The following APBA2 variants were observed in gnomAD, a reference collection of about 807,000 sequenced individuals.
The protein encoded by APBA2 is amyloid-beta A4 precursor protein-binding family A member 2.
Under a neutral mutation model 75.0 loss-of-function variants are expected in APBA2, and 30 were observed. The observed-to-expected ratio is 0.40, with a 90% confidence interval of 0.30 to 0.54. APBA2 has a LOEUF of 0.54. Ranked by LOEUF, APBA2 falls within the 20% of genes least tolerant of loss-of-function variation. The pLI, the probability that APBA2 is intolerant of heterozygous loss-of-function variation, is 0.49. For missense variants in APBA2, 801 were observed against 1,016.1 expected, an observed-to-expected ratio of 0.79 and a Z score of 2.88; for synonymous variants, 444 against 409.6, an observed-to-expected ratio of 1.08 and a Z score of -1.01.
At chr15:29,102,533 A>G (rs1184987958) in intron 10 of APBA2, 1 of 152,856 alleles carries the variant, frequency 6.5e-6, no homozygotes, top group Non-Finnish European at 1.5e-5. Context: ...AGGTGCGTGG[A>G]TCACCTGAGG....
At chr15:28,957,197 C>T (rs527569987) in intron 2 of APBA2, among the ~76,000 whole-genome samples, 8 of 152,174 alleles carry the variant, frequency 5.3e-5, no homozygotes, top group South Asian at 2.1e-4. Flanking sequence ...CTCAGCCTCC[C>T]GAGTAGCTGG....
intron 3 of APBA2, among the ~76,000 whole-genome samples, chr15:29,034,274 G>A (rs186646368): frequency 6.6e-5 from 10 of 152,256 alleles, no homozygotes; most frequent in African/African-American, 2.2e-4. Flanking sequence ...CGTGTCTCCT[G>A]TCTCAAAGCC....
chr15:29,068,574 C>T lies in APBA2; in HGVS notation c.952-6347C>T, dbSNP rs181892171. On this transcript the variant is annotated intron_variant, in intron 4 of 14. Coordinates refer to ENST00000683413, the MANE Select transcript of APBA2 (RefSeq NM_001353788.2). The stretch of plus-strand genomic sequence containing the variant: ...GAAGGATGGGCGGAGCTCCCACCTT[C>T]CCCACAAATGGACACAGAATGGCAC... Among the ~76,000 whole-genome samples, 759 of 152,330 alleles carry T rather than the reference C, an allele frequency of 5.0e-3. 4 individuals carry two copies. The highest frequency in any genetic ancestry group is 0.017 in the African/African-American group (719 of 41,576).
chr15:29,115,187 C>G (rs2045016868), intron 14 of APBA2, among the ~76,000 whole-genome samples: 1 of 128,390 alleles, frequency 7.8e-6, no homozygotes, highest in South Asian at 2.7e-4. Context: ...GCCGGGCCGT[C>G]TGTGGTGCTC....
chr15:29,024,922 G>A (rs892400577), intron 3 of APBA2, among the ~76,000 whole-genome samples: 3 of 152,152 alleles, frequency 2.0e-5, no homozygotes, highest in Admixed American at 6.5e-5. Flanking sequence ...CTTGCAGGTG[G>A]ACGGTTCCCA....
At chr15:29,019,601 C>G (rs2039848833) in intron 3 of APBA2, among the ~76,000 whole-genome samples, 1 of 152,158 alleles carries the variant, frequency 6.6e-6, no homozygotes, top group Non-Finnish European at 1.5e-5. Flanking sequence ...GTGCATTGTT[C>G]TGCTGCCGGA....
chr15:29,056,598 C>CT (rs534817800), intron 4 of APBA2, among the ~76,000 whole-genome samples: 1 of 1,396 alleles, frequency 7.2e-4, no homozygotes, highest in African/African-American at 1.3e-3. Context: ...CCCTCCCTCC[C>CT]TCCCTCCCTC....
chr15:29,076,218 C>A, intron 6 of APBA2, 127 bp downstream of exon 6: 1 of 1,032,102 alleles, frequency 9.7e-7, no homozygotes, highest in Non-Finnish European at 1.5e-6. Context: ...CAGCAAGGTG[C>A]TTGGCCATTG....
rs562455846 is a variant in APBA2, at chr15:29,027,596, A to G, written c.-40-26249A>G. Reference sequence around the variant, plus strand: ...CTGTCTTAATTTTTTTTAGTCTTTTATCTTTTTTTTCTTTTTTTTTCTTTT... The same window carrying G: ...CTGTCTTAATTTTTTTTAGTCTTTTGTCTTTTTTTTCTTTTTTTTTCTTTT... On this transcript the variant is annotated intron_variant, in intron 3 of 14. Transcript: ENST00000683413. Among the ~76,000 whole-genome samples the G allele has an allele frequency of 2.0e-3, 303 of 149,922 alleles. 1 individual carries two copies. The highest frequency in any genetic ancestry group is 7.3e-3 in the African/African-American group (297 of 40,932).
chr15:29,108,110 G>A lies in APBA2; in HGVS notation c.1918-160G>A, dbSNP rs992081730. On this transcript the variant is annotated intron_variant, in intron 12 of 14. Transcript: ENST00000683413. ...AAGGGCCAGGGCGAGGCTTGTCCCCGCTGCACAGAGGGGCTACCGAGGCTG... is the reference window on the plus strand; with the variant it reads ...AAGGGCCAGGGCGAGGCTTGTCCCCACTGCACAGAGGGGCTACCGAGGCTG... 2.0e-5 allele frequency among the ~76,000 whole-genome samples: 3 copies of A among 152,118 alleles called. No individual in the cohort carries two copies. In the South Asian group the frequency reaches 6.2e-4, roughly 31 times the overall value.
At chr15:28,992,023 A>G (rs552718652) in intron 2 of APBA2, among the ~76,000 whole-genome samples, 111 of 152,222 alleles carry the variant, frequency 7.3e-4, no homozygotes, top group Non-Finnish European at 1.6e-3. Context: ...CAGGTCTGGG[A>G]GTCTGTGATG....
At chr15:28,945,846 AAC>A (rs1193894185) in intron 2 of APBA2, among the ~76,000 whole-genome samples, 4 of 152,112 alleles carry the variant, frequency 2.6e-5, no homozygotes, top group Admixed American at 2.0e-4. Flanking sequence ...ATGGAGGGAA[AAC>A]ACACTCTCCA....
intron 3 of APBA2, among the ~76,000 whole-genome samples, chr15:29,022,436 A>C (rs1021282317): frequency 1.3e-5 from 2 of 152,126 alleles, no homozygotes; most frequent in Admixed American, 6.5e-5. Flanking sequence ...AGTATCTAAC[A>C]TTTTAGAGTC....
chr15:29,049,351 T>C (rs1297188111), intron 3 of APBA2, among the ~76,000 whole-genome samples: 1 of 152,176 alleles, frequency 6.6e-6, no homozygotes, highest in Non-Finnish European at 1.5e-5. Flanking sequence ...GGGTTAAATA[T>C]TTCAGTGTCA....
intron 3 of APBA2, among the ~76,000 whole-genome samples, chr15:29,011,600 A>G (rs1490079): frequency 0.24 from 36,456 of 152,098 alleles, 8,632 homozygotes; most frequent in African/African-American, 0.6. Context: ...GTAGTTCCTC[A>G]GTTCAGTACT....
At chr15:28,917,149 C>T (rs1315205844) in intron 1 of APBA2, among the ~76,000 whole-genome samples, 5 of 152,294 alleles carry the variant, frequency 3.3e-5, no homozygotes, top group South Asian at 2.1e-4. Context: ...TGGTTACTAA[C>T]GTTTCCTTTC....
intron 14 of APBA2, 30 bp from the exon 15 acceptor site, chr15:29,117,032 A>G (rs1402956695): frequency 6.2e-6 from 10 of 1,610,118 alleles, no homozygotes; most frequent in Non-Finnish European, 8.5e-6. Flanking sequence ...GTGGGAGGGC[A>G]GCGGCTCAGC....
chr15:29,105,691 T>C, intron 11 of APBA2, 133 bp downstream of exon 11: 1 of 924,328 alleles, frequency 1.1e-6, no homozygotes, highest in Non-Finnish European at 1.7e-6. Context: ...GGGCCCGGAA[T>C]GTGCACCTCG....
At position 29,033,590 on chromosome 15, in the gene APBA2, C is replaced by T. The variant is rs191634714; in HGVS notation, c.-40-20255C>T. Among the ~76,000 whole-genome samples, 17 of 152,182 alleles carry T rather than the reference C, an allele frequency of 1.1e-4. No homozygotes were observed. The East Asian group carries it at 2.9e-3, about 26-fold the overall frequency. On this transcript the variant is annotated intron_variant, in intron 3 of 14. Transcript: ENST00000683413. ...TTAGATAATTTGCTAGAATGACTCA[C>T]AGAACTCAGAACACCATTATACTTA...
Sources: allele counts gnomAD v4.1 joint callset (sites outside exome capture counted in the v4.1 genomes callset), GRCh38; gene constraint gnomAD v4.1.1; transcripts MANE v1.5; gene names NCBI Gene and HGNC (gene_info 2026-07-23, HGNC 2026-07-21).